Variants in TTC34 observed in about 807,000 individuals in gnomAD.
TTC34 encodes the protein tetratricopeptide repeat protein 34.
Under a neutral mutation model 40.7 loss-of-function variants are expected in TTC34, and 44 were observed. The ratio of observed to expected loss-of-function variants is 1.08; its 90% CI spans 0.85 to 1.39. The LOEUF (loss-of-function observed/expected upper bound fraction) is 1.39, where lower values mean the gene tolerates loss of function less well. Ranked by LOEUF, TTC34 falls within the 40% of genes most tolerant of loss-of-function variation. The pLI is 0.00. For missense variants in TTC34, 884 were observed against 838.0 expected (o/e 1.05, Z -0.68); for synonymous variants, 422 against 398.6 (o/e 1.06, Z -0.70).
At chr1:2,687,601 C>G (rs1469020170) in intron 6 of TTC34, among the ~76,000 whole-genome samples, 1 of 144,136 alleles carries the variant, frequency 6.9e-6, no homozygotes, top group East Asian at 2.0e-4. Flanking sequence ...GGAACAGCAC[C>G]CACACCCCCA....
chr1:2,792,006 C>CTCTTTTTTTTTT (rs1643668179), intron 2 of TTC34, among the ~76,000 whole-genome samples: 1 of 39,522 alleles, frequency 2.5e-5, no homozygotes, highest in Non-Finnish European at 5.2e-5. Flanking sequence ...TTGCCATATG[C>CTCTTTTTTTTTT]TTTTTTTTTT....
intron 2 of TTC34, among the ~76,000 whole-genome samples, chr1:2,793,099 T>C (rs547449725): frequency 6.6e-6 from 1 of 152,398 alleles, no homozygotes; most frequent in South Asian, 2.1e-4. Context: ...TAGACAATTT[T>C]TGACTGGCTG....
At chr1:2,688,617 G>T (rs1277745887) in intron 6 of TTC34, among the ~76,000 whole-genome samples, 1 of 137,266 alleles carries the variant, frequency 7.3e-6, no homozygotes, top group Admixed American at 7.1e-5. Flanking sequence ...ACACCCCCAG[G>T]TGCGCATCTG....
intron 6 of TTC34, among the ~76,000 whole-genome samples, chr1:2,755,935 C>A (rs1641490197): frequency 1.2e-5 from 1 of 80,710 alleles, no homozygotes. Flanking sequence ...CCTGGAGCAG[C>A]ACCCTGCACC....
At chr1:2,749,866 C>T (rs1386151792) in intron 6 of TTC34, among the ~76,000 whole-genome samples, 126 of 97,306 alleles carry the variant, frequency 1.3e-3, no homozygotes, top group Middle Eastern at 5.7e-3. Context: ...CATCCGACAG[C>T]CTGGAGCAGA....
chr1:2,695,028 C>A (rs1557625036), intron 6 of TTC34, among the ~76,000 whole-genome samples: 1 of 151,552 alleles, frequency 6.6e-6, no homozygotes, highest in East Asian at 1.9e-4. Context: ...GAACAGCACC[C>A]TGCACCCCCA....
chr1:2,639,027 A>G (rs1366952996), exon 9 of TTC34: 1 of 152,244 alleles, frequency 6.6e-6, no homozygotes, highest in South Asian at 2.1e-4. Flanking sequence ...GGGTCTCCAC[A>G]TGGTGGAGGG....
intron 6 of TTC34, among the ~76,000 whole-genome samples, chr1:2,650,394 C>A (rs574017789): frequency 1.3e-5 from 2 of 152,044 alleles, no homozygotes; most frequent in African/African-American, 4.8e-5. Context: ...AGGTGAGCAT[C>A]TGACAGCCTG....
intron 1 of TTC34, among the ~76,000 whole-genome samples, 193 bp from the exon 2 acceptor site, chr1:2,801,061 C>T (rs1218215581): frequency 6.6e-6 from 1 of 152,132 alleles, no homozygotes; most frequent in African/African-American, 2.4e-5. Context: ...GGCCAACTTC[C>T]AGCCCACTGT....
chr1:2,638,707 C>T (rs1467790766), exon 9 of TTC34: 2 of 152,342 alleles, frequency 1.3e-5, no homozygotes, highest in African/African-American at 4.8e-5. Context: ...GCGTCCATGC[C>T]TTAAGGGCTG....
intron 8 of TTC34, 66 bp downstream of exon 8, chr1:2,644,198 C>A: frequency 1.4e-6 from 2 of 1,452,680 alleles, no homozygotes; most frequent in Non-Finnish European, 1.9e-6. Context: ...AGTGGTGGGC[C>A]CGGGGGTCTC....
intron 6 of TTC34, among the ~76,000 whole-genome samples, chr1:2,694,061 C>T (rs1208455530): frequency 7.0e-6 from 1 of 142,372 alleles, no homozygotes; most frequent in Non-Finnish European, 1.6e-5. Context: ...CGTAACAGCA[C>T]CCACACACCC....
intron 6 of TTC34, among the ~76,000 whole-genome samples, chr1:2,755,853 A>G (rs1288992891): frequency 0.02 from 1,494 of 75,828 alleles, 485 homozygotes; most frequent in Admixed American, 0.14. Flanking sequence ...AGCCTGGAAC[A>G]TCACCCACAC....
At chr1:2,767,519 C>A (rs1641806079) in intron 6 of TTC34, among the ~76,000 whole-genome samples, 1 of 143,774 alleles carries the variant, frequency 7.0e-6, no homozygotes, top group African/African-American at 2.6e-5. Context: ...AACAGAACCC[C>A]ACTCTTCCAG....
At chr1:2,795,725 G>A (rs1021480494) in intron 2 of TTC34, among the ~76,000 whole-genome samples, 3 of 152,180 alleles carry the variant, frequency 2.0e-5, no homozygotes, top group African/African-American at 7.2e-5. Context: ...TAAACAAATT[G>A]GAAGTGGTCA....
At chr1:2,685,517 A>C in intron 6 of TTC34, among the ~76,000 whole-genome samples, 1 of 124,030 alleles carries the variant, frequency 8.1e-6, no homozygotes, top group Non-Finnish European at 1.6e-5. Flanking sequence ...CAGCACCCAC[A>C]GACCAAGGTG....
intron 6 of TTC34, among the ~76,000 whole-genome samples, chr1:2,700,162 T>G (rs560148150): frequency 8.9e-5 from 7 of 78,660 alleles, no homozygotes; most frequent in Admixed American, 3.1e-4. Context: ...TCCTGGAGCA[T>G]CACATACTCC....
intron 6 of TTC34, among the ~76,000 whole-genome samples, chr1:2,650,289 AC>A (rs1639102683): frequency 6.6e-6 from 1 of 150,378 alleles, no homozygotes; most frequent in African/African-American, 2.5e-5. Context: ...CTGGAATGGC[AC>A]CCCACACCCT....
intron 6 of TTC34, among the ~76,000 whole-genome samples, chr1:2,684,291 T>G (rs1186468406): frequency 6.9e-6 from 1 of 144,518 alleles, no homozygotes; most frequent in African/African-American, 2.6e-5. Context: ...GGCAAGCATA[T>G]GACAGCCTGG....
Sources: gnomAD v4.1 joint callset for allele counts (sites outside exome capture counted in the v4.1 genomes callset) on GRCh38, gnomAD v4.1.1 for gene constraint, MANE v1.5 for transcripts, NCBI Gene and HGNC (gene_info 2026-07-23, HGNC 2026-07-21) for gene names.